The following PRKCH variants were observed in gnomAD, a reference collection of about 807,000 sequenced individuals.
PRKCH encodes protein kinase C eta.
PRKCH carries 28 observed loss-of-function variants against 82.5 expected under a neutral mutation model. That is an observed-to-expected ratio of 0.34 (90% confidence interval 0.25 to 0.47). The LOEUF (loss-of-function observed/expected upper bound fraction) is 0.47. Among genes scored for constraint, PRKCH ranks in the 20% least tolerant of loss-of-function variants. PRKCH has a pLI of 1.00. For synonymous variants in PRKCH, 322 were observed against 327.4 expected (o/e 0.98, Z 0.18); for missense variants, 705 against 881.8 (o/e 0.80, Z 2.54).
At chr14:61,368,849 AATT>A in intron 1 of PRKCH, among the ~76,000 whole-genome samples, 1 of 152,174 alleles carries the variant, frequency 6.6e-6, no homozygotes, top group Admixed American at 6.5e-5. Context: ...TGCAGTTGAC[AATT>A]ATTGTTATTT....
At chr14:61,371,735 T>C (rs933052047) in intron 1 of PRKCH, among the ~76,000 whole-genome samples, 10 of 152,034 alleles carry the variant, frequency 6.6e-5, no homozygotes, top group African/African-American at 2.4e-4. Context: ...TCACATAAAG[T>C]TCCTCTTCCC....
intron 10 of PRKCH, among the ~76,000 whole-genome samples, chr14:61,521,675 T>C (rs2042908596): frequency 6.6e-6 from 1 of 152,114 alleles, no homozygotes. Context: ...TCAAGTGATC[T>C]TCCCGCTTCG....
At chr14:61,211,808 T>C (rs2044583223) in intron 1 of PRKCH, among the ~76,000 whole-genome samples, 1 of 152,152 alleles carries the variant, frequency 6.6e-6, no homozygotes, top group South Asian at 2.1e-4. Flanking sequence ...TCAAGAAGAC[T>C]TGAACAAAAG....
chr14:61,248,220 A>G (rs2044905374), intron 1 of PRKCH, among the ~76,000 whole-genome samples: 1 of 152,182 alleles, frequency 6.6e-6, no homozygotes, highest in African/African-American at 2.4e-5. Flanking sequence ...GTTGACCCAT[A>G]TCTAAAATGC....
chr14:61,541,253 C>G (rs1281567229), intron 12 of PRKCH, among the ~76,000 whole-genome samples: 1 of 152,262 alleles, frequency 6.6e-6, no homozygotes, highest in Non-Finnish European at 1.5e-5. Context: ...CAGCAGCATC[C>G]TTCAGACAGA....
At chr14:61,490,967 A>AT (rs1408127262) in intron 10 of PRKCH, among the ~76,000 whole-genome samples, 2 of 151,970 alleles carry the variant, frequency 1.3e-5, no homozygotes, top group Admixed American at 6.6e-5. Flanking sequence ...CCAGTGATGG[A>AT]TTTTACATGC....
chr14:61,283,811 A>C (rs1029657279), intron 1 of PRKCH, among the ~76,000 whole-genome samples: 3 of 152,180 alleles, frequency 2.0e-5, no homozygotes, highest in African/African-American at 4.8e-5. Context: ...CAGCCTGGAC[A>C]ACAGAACAAG....
chr14:61,372,979 T>A (rs1251632197), intron 1 of PRKCH, among the ~76,000 whole-genome samples: 2 of 151,966 alleles, frequency 1.3e-5, no homozygotes, highest in Middle Eastern at 3.2e-3. Flanking sequence ...GCCAGTTGCA[T>A]CTGAGAGACA....
In PRKCH at chr14:61,445,739, T is replaced by G. The variant is rs753642572; in HGVS notation, c.613+13T>G. On this transcript the variant is annotated intron_variant, in intron 4 of 13. Transcript: ENST00000332981. ...TATCAGTGCCAAGGTAAGGAAACATTTTTAAAACCATGTTTCATTTTGTTC... is the reference window on the plus strand; with the variant it reads ...TATCAGTGCCAAGGTAAGGAAACATGTTTAAAACCATGTTTCATTTTGTTC... 4.4e-6 allele frequency: 7 copies of G among 1,599,222 alleles called. No homozygotes were observed. Among genetic ancestry groups the G allele is most frequent in the Non-Finnish European group, 8.6e-7 (1 of 1,166,576 alleles).
chr14:61,369,824 G>A (rs1189480470), intron 1 of PRKCH, among the ~76,000 whole-genome samples: 1 of 152,026 alleles, frequency 6.6e-6, no homozygotes, highest in Non-Finnish European at 1.5e-5. Context: ...GAAAGTGACA[G>A]AAAGTTCTTG....
intron 2 of PRKCH, among the ~76,000 whole-genome samples, chr14:61,442,071 G>A (rs904790899): frequency 2.0e-5 from 3 of 151,836 alleles, no homozygotes; most frequent in Non-Finnish European, 4.4e-5. Context: ...TCTCTTCCAG[G>A]GTTTAAAATT....
intron 1 of PRKCH, among the ~76,000 whole-genome samples, chr14:61,376,328 T>C (rs538723334): frequency 5.3e-5 from 8 of 152,332 alleles, no homozygotes; most frequent in East Asian, 1.9e-4. Flanking sequence ...CAATTGTTCC[T>C]TGAGGGTCAG....
At chr14:61,224,209 T>C (rs560340272) in intron 1 of PRKCH, among the ~76,000 whole-genome samples, 3 of 152,330 alleles carry the variant, frequency 2.0e-5, no homozygotes, top group Admixed American at 1.3e-4. Flanking sequence ...TGTTTTTTAA[T>C]AAAATTTTTT....
intron 2 of PRKCH, among the ~76,000 whole-genome samples, chr14:61,406,687 T>G (rs1197469822): frequency 6.6e-6 from 1 of 152,246 alleles, no homozygotes; most frequent in Non-Finnish European, 1.5e-5. Context: ...GTGGCACCTG[T>G]GTGCTAATTC....
At chr14:61,209,330 A>G (rs1226539261) in intron 1 of PRKCH, among the ~76,000 whole-genome samples, 1 of 140,288 alleles carries the variant, frequency 7.1e-6, no homozygotes, top group East Asian at 2.1e-4. Context: ...AAAAAAAAAA[A>G]AAAAGCTACT....
Position 61,445,689 on chromosome 14 carries a change from C to T in PRKCH, c.579-3C>T. 1 of 1,608,732 alleles carries T rather than the reference C, an allele frequency of 6.2e-7. No individual in the cohort carries two copies. Among genetic ancestry groups the T allele is most frequent in the Non-Finnish European group, 8.5e-7 (1 of 1,175,184 alleles). On this transcript the variant is annotated splice_region_variant and splice_polypyrimidine_tract_variant and intron_variant, in intron 3 of 13. Coordinates refer to ENST00000332981, the MANE Select transcript of PRKCH (RefSeq NM_006255.5). ...CTGATGGTAGTTTTCTTCTCTTCAACAGGGGAGTGTTTGGGAAACAGGGTT... is the reference window on the plus strand; with the variant it reads ...CTGATGGTAGTTTTCTTCTCTTCAATAGGGGAGTGTTTGGGAAACAGGGTT...
Position 61,340,580 on chromosome 14 carries a change from T to C in PRKCH, c.363+18116T>C, listed in dbSNP as rs144162328. Among the ~76,000 whole-genome samples, 78 of 152,292 alleles carry C rather than the reference T, an allele frequency of 5.1e-4. 2 individuals carry two copies. In the East Asian group the frequency reaches 0.014, roughly 27 times the overall value. ...AGGCTTAGGACAAACCACTTTATACTCCGTCTCCTTTAATCCTCACAGTAG... is the reference window on the plus strand; with the variant it reads ...AGGCTTAGGACAAACCACTTTATACCCCGTCTCCTTTAATCCTCACAGTAG... On this transcript the variant is annotated intron_variant, in intron 1 of 13. Coordinates refer to ENST00000332981, the MANE Select transcript of PRKCH (RefSeq NM_006255.5).
At chr14:61,234,718 G>GT (rs2044773573) in intron 1 of PRKCH, among the ~76,000 whole-genome samples, 1 of 152,212 alleles carries the variant, frequency 6.6e-6, no homozygotes. Flanking sequence ...ATCTGTTCTG[G>GT]TTTTTTATAG....
At chr14:61,356,902 G>A (rs1371226073) in intron 1 of PRKCH, among the ~76,000 whole-genome samples, 5 of 152,034 alleles carry the variant, frequency 3.3e-5, no homozygotes, top group African/African-American at 7.2e-5. Flanking sequence ...GGCTTGTCTC[G>A]AACTCCTGAC....
Sources: allele counts gnomAD v4.1 joint callset (sites outside exome capture counted in the v4.1 genomes callset), GRCh38; gene constraint gnomAD v4.1.1; transcripts MANE v1.5; gene names NCBI Gene and HGNC (gene_info 2026-07-23, HGNC 2026-07-21).